Variants in SPRED1 observed in about 807,000 individuals in gnomAD.
The protein encoded by SPRED1 is sprouty related EVH1 domain containing 1.
Under a neutral mutation model 52.3 loss-of-function variants are expected in SPRED1, and 18 were observed. The ratio of observed to expected loss-of-function variants is 0.34; its 90% CI spans 0.24 to 0.51. SPRED1 has a LOEUF of 0.51. SPRED1 is among the 20% of genes least tolerant of loss of function. The probability of loss-of-function intolerance (pLI) is 0.97; values close to 1 mark genes in which losing one functional copy is unlikely to be tolerated. For missense variants in SPRED1, 485 were observed against 551.0 expected, an observed-to-expected ratio of 0.88 and a Z score of 1.20; for synonymous variants, 155 against 179.7, an observed-to-expected ratio of 0.86 and a Z score of 1.10.
intron 1 of SPRED1, among the ~76,000 whole-genome samples, chr15:38,284,117 T>G (rs1212612192): frequency 6.6e-6 from 1 of 152,200 alleles, no homozygotes; most frequent in Non-Finnish European, 1.5e-5. Flanking sequence ...TAAAATGTTT[T>G]TATTTCTATA....
At chr15:38,326,677 A>G (rs972679409) in intron 4 of SPRED1, among the ~76,000 whole-genome samples, 1 of 152,174 alleles carries the variant, frequency 6.6e-6, no homozygotes, top group Non-Finnish European at 1.5e-5. Context: ...GTGGACCTCT[A>G]CAAGATTCAC....
intron 4 of SPRED1, among the ~76,000 whole-genome samples, chr15:38,339,436 G>A (rs982782886): frequency 6.6e-6 from 1 of 151,984 alleles, no homozygotes; most frequent in Non-Finnish European, 1.5e-5. Context: ...TTTTATTATA[G>A]TTAAAAGCAT....
rs3938236 is a variant in SPRED1 at position 38,253,524 on chromosome 15, A to C, written c.32+307A>C. Among the ~76,000 whole-genome samples, 131,468 of 152,054 alleles carry C rather than the reference A, an allele frequency of 0.86. 56,961 individuals carry two copies. Among genetic ancestry groups the C allele is most frequent in the Non-Finnish European group, 0.9 (61,007 of 67,998 alleles). ...TAGAAACTACCCCTTTGCCTGTGAG[A>C]CCCCTGTCCCGTCCTTTTTCACTCA... On this transcript the variant is annotated intron_variant, in intron 1 of 6. Coordinates refer to ENST00000299084, the MANE Select transcript of SPRED1 (RefSeq NM_152594.3).
At chr15:38,292,676 A>G (rs778548153) in intron 1 of SPRED1, among the ~76,000 whole-genome samples, 5 of 152,216 alleles carry the variant, frequency 3.3e-5, no homozygotes, top group South Asian at 4.1e-4. Flanking sequence ...CCATGATTCA[A>G]TTAAGACCCC....
intron 2 of SPRED1, among the ~76,000 whole-genome samples, chr15:38,307,910 A>G (rs1186686956): frequency 6.6e-6 from 1 of 152,176 alleles, no homozygotes; most frequent in East Asian, 1.9e-4. Flanking sequence ...GCAAGGGGCT[A>G]TTGTAAATGA....
chr15:38,299,411 G>T lies in SPRED1; in HGVS notation c.71G>T (p.Arg24Leu). 1 of 1,613,916 alleles carries T rather than the reference G, an allele frequency of 6.2e-7. No homozygotes were observed. The highest frequency in any genetic ancestry group is 8.5e-7 in the Non-Finnish European group (1 of 1,179,916). Reference sequence around the variant, plus strand: ...CGAGTGCGAGCTGTGGTGATGACCCGAGATGACTCAAGTGGTGGATGGTTA... The same window carrying T: ...CGAGTGCGAGCTGTGGTGATGACCCTAGATGACTCAAGTGGTGGATGGTTA... ...YARVRAVVMT[R>L]DDSSGGWLPL... is the part of the protein sequence containing the mutation. The change falls in exon 2 of 7, where the codon CGA becomes CTA. Residue 24 changes from arginine to leucine, a missense_variant. This residue lies in a region of SPRED1 where 11 missense variants were observed against 31.5 expected (regional missense o/e 0.35). Transcript: ENST00000299084.
At chr15:38,259,558 AAG>A (rs1894164621) in intron 1 of SPRED1, among the ~76,000 whole-genome samples, 1 of 152,214 alleles carries the variant, frequency 6.6e-6, no homozygotes, top group South Asian at 2.1e-4. Flanking sequence ...CATTTTAAAA[AAG>A]AGAAAAAAAG....
At chr15:38,320,397 C>T (rs1206835356) in intron 2 of SPRED1, among the ~76,000 whole-genome samples, 1 of 152,164 alleles carries the variant, frequency 6.6e-6, no homozygotes, top group Non-Finnish European at 1.5e-5. Flanking sequence ...AAGACCAGCT[C>T]ATGCAGGGCC....
chr15:38,312,216 A>G (rs1895383330), intron 2 of SPRED1, among the ~76,000 whole-genome samples: 1 of 152,114 alleles, frequency 6.6e-6, no homozygotes, highest in Non-Finnish European at 1.5e-5. Context: ...ATTGGTTCAT[A>G]AGGTTCGTAA....
In SPRED1 at chr15:38,275,641, G is replaced by T. The variant is rs140066486; in HGVS notation, c.32+22424G>T. Among the ~76,000 whole-genome samples, 83 of 152,184 alleles carry T rather than the reference G, an allele frequency of 5.5e-4. 1 individual carries two copies. The East Asian group carries it at 0.015, about 28-fold the overall frequency. ...GCCTCCCAAGTAGCTGGGACTACAG[G>T]TGCGCACCATCATGCCCAGCTAATT... On this transcript the variant is annotated intron_variant, in intron 1 of 6. Transcript: ENST00000299084.
At chr15:38,301,871 T>G (rs542549335) in intron 2 of SPRED1, among the ~76,000 whole-genome samples, 1 of 47,040 alleles carries the variant, frequency 2.1e-5, no homozygotes, top group East Asian at 5.0e-4. Context: ...TTCTAGTTTC[T>G]TGATTTTTTT....
chr15:38,277,672 T>C (rs1285254520), intron 1 of SPRED1, among the ~76,000 whole-genome samples: 1 of 152,242 alleles, frequency 6.6e-6, no homozygotes, highest in Non-Finnish European at 1.5e-5. Flanking sequence ...TAATTCTAAC[T>C]TCTTTCAGAA....
At chr15:38,258,226 C>G (rs1359894716) in intron 1 of SPRED1, among the ~76,000 whole-genome samples, 2 of 151,930 alleles carry the variant, frequency 1.3e-5, no homozygotes, top group Non-Finnish European at 2.9e-5. Context: ...TTACTGTATG[C>G]CAAGCACTGT....
intron 1 of SPRED1, among the ~76,000 whole-genome samples, chr15:38,256,817 A>G (rs1894108056): frequency 7.0e-6 from 1 of 143,308 alleles, no homozygotes; most frequent in Non-Finnish European, 1.6e-5. Context: ...ATGTACACAC[A>G]CACACATATA....
intron 1 of SPRED1, among the ~76,000 whole-genome samples, chr15:38,255,490 G>C (rs1268106070): frequency 2.6e-5 from 4 of 151,858 alleles, no homozygotes; most frequent in Non-Finnish European, 5.9e-5. Flanking sequence ...AAATCTTGGG[G>C]GTTTTACTTT....
intron 1 of SPRED1, among the ~76,000 whole-genome samples, chr15:38,274,662 C>T (rs1226313400): frequency 6.6e-6 from 1 of 152,170 alleles, no homozygotes; most frequent in Non-Finnish European, 1.5e-5. Context: ...ACCGGTTGTT[C>T]CACTAATGTC....
intron 1 of SPRED1, among the ~76,000 whole-genome samples, chr15:38,254,330 G>A (rs995414673): frequency 6.6e-6 from 1 of 152,028 alleles, no homozygotes; most frequent in African/African-American, 2.4e-5. Flanking sequence ...GCTAGAGAAA[G>A]GCCAAACAAC....
rs140754368 is a variant in SPRED1 at position 38,266,928 on chromosome 15, A to G, written c.32+13711A>G. 3.2e-3 allele frequency among the ~76,000 whole-genome samples: 480 copies of G among 152,330 alleles called. 2 individuals carry two copies. Among genetic ancestry groups the G allele is most frequent in the Middle Eastern group, 0.014 (4 of 294 alleles). On this transcript the variant is annotated intron_variant, in intron 1 of 6. Transcript: ENST00000299084. ...TGTACTAGGCCCTAGCATATAACAC[A>G]TAAGAAGCATAATTTGACTTACAAT...
At chr15:38,262,473 G>A (rs1159328156) in intron 1 of SPRED1, among the ~76,000 whole-genome samples, 1 of 152,148 alleles carries the variant, frequency 6.6e-6, no homozygotes, top group Non-Finnish European at 1.5e-5. Flanking sequence ...AGCATGGAAT[G>A]GGGGAAGGGT....
Sources: allele counts gnomAD v4.1 joint callset (sites outside exome capture counted in the v4.1 genomes callset), GRCh38; gene constraint gnomAD v4.1.1; regional missense constraint gnomAD v4.1.1; transcripts MANE v1.5; gene names NCBI Gene and HGNC (gene_info 2026-07-23, HGNC 2026-07-21).